DHX35: variants seen among roughly 807,000 people sequenced by gnomAD.
DHX35 encodes DEAH-box helicase 35.
In DHX35, 84 loss-of-function variants were observed where a neutral mutation model predicts 99.6. The observed-to-expected ratio is 0.84, with a 90% CI of 0.71 to 1.01. The LOEUF (loss-of-function observed/expected upper bound fraction) is 1.01, where lower values mean the gene tolerates loss of function less well. Among genes scored for constraint, DHX35 ranks in the 50% least tolerant of loss-of-function variants. The pLI is 0.00. For synonymous variants in DHX35, 331 were observed against 316.2 expected, an observed-to-expected ratio of 1.05 and a Z score of -0.50; for missense variants, 852 against 888.5, an observed-to-expected ratio of 0.96 and a Z score of 0.52.
chr20:38,983,118 G>A (rs1228127291), intron 3 of DHX35, among the ~76,000 whole-genome samples: 1 of 152,004 alleles, frequency 6.6e-6, no homozygotes, highest in Non-Finnish European at 1.5e-5. Flanking sequence ...GTAGAGACGG[G>A]GTTTCACCAT....
At chr20:38,964,093 ATATGGAAG>A (rs1194793874) in intron 1 of DHX35, among the ~76,000 whole-genome samples, 1 of 152,244 alleles carries the variant, frequency 6.6e-6, no homozygotes, top group Non-Finnish European at 1.5e-5. Flanking sequence ...TATTATAATT[ATATGGAAG>A]TATGGAAGAG....
intron 4 of DHX35, among the ~76,000 whole-genome samples, chr20:38,984,541 G>A (rs1040951620): frequency 2.6e-5 from 4 of 152,094 alleles, no homozygotes; most frequent in East Asian, 1.9e-4. Context: ...AATGTTCACC[G>A]CAAGATAATT....
chr20:38,968,719 T>C (rs1467343379), intron 1 of DHX35, among the ~76,000 whole-genome samples: 1 of 152,138 alleles, frequency 6.6e-6, no homozygotes, highest in East Asian at 1.9e-4. Flanking sequence ...GCCTGGCTAA[T>C]TTTTTGTATT....
intron 4 of DHX35, among the ~76,000 whole-genome samples, chr20:38,988,451 G>A (rs541486192): frequency 6.6e-6 from 1 of 152,176 alleles, no homozygotes; most frequent in South Asian, 2.1e-4. Flanking sequence ...CCAACATGGC[G>A]AAACCCCATC....
In DHX35 at chr20:38,983,796, G is replaced by A; in HGVS notation, c.345+20G>A. On this transcript the variant is annotated intron_variant, in intron 4 of 21. Transcript: ENST00000252011. ...GTTACAGTGAGTTTCTTTTTGTGTTGGAAAGATTCTATCTGTGTTGTCTAC... is the reference window on the plus strand; with the variant it reads ...GTTACAGTGAGTTTCTTTTTGTGTTAGAAAGATTCTATCTGTGTTGTCTAC... The A allele has an allele frequency of 6.2e-7, 1 of 1,602,188 alleles. No homozygotes were observed.
intron 14 of DHX35, among the ~76,000 whole-genome samples, 178 bp downstream of exon 14, chr20:39,015,112 A>G (rs2086763346): frequency 6.6e-6 from 1 of 152,244 alleles, no homozygotes; most frequent in Non-Finnish European, 1.5e-5. Context: ...AATTAGACAC[A>G]TGAAAGCTAA....
intron 3 of DHX35, among the ~76,000 whole-genome samples, chr20:38,976,336 C>G (rs1222852975): frequency 2.7e-5 from 4 of 146,064 alleles, no homozygotes; most frequent in Non-Finnish European, 4.5e-5. Context: ...AGAGAAGTGT[C>G]TGTGTGTGTG....
At position 39,006,330 on chromosome 20, in the gene DHX35, C is replaced by A; in HGVS notation, c.1196C>A (p.Ser399Ter). The change falls in exon 12 of 22, where the codon TCG becomes TAG. Residue 399 changes from serine to a stop codon, truncating the protein, a stop_gained. Transcript: ENST00000252011. LOFTEE classifies it high-confidence loss of function. ...GCAGGACGTGGTGGTCGTAGTCGCT[C>A]GGGAAAATGTTATCGCCTTTATACA... ...QRAGRGGRSR[S>*]GKCYRLYTEE... 6.2e-7 allele frequency: 1 copy of A among 1,614,064 alleles called. No individual in the cohort carries two copies. Among genetic ancestry groups the A allele is most frequent in the South Asian group, 1.1e-5 (1 of 91,060 alleles).
At chr20:39,026,881 G>A (rs1406143624) in intron 18 of DHX35, among the ~76,000 whole-genome samples, 2 of 152,176 alleles carry the variant, frequency 1.3e-5, no homozygotes, top group African/African-American at 4.8e-5. Flanking sequence ...CTGTCACCCA[G>A]CAGGTAGATG....
chr20:39,025,343 C>G lies in DHX35; in HGVS notation c.1785C>G (p.Pro595=). 1.2e-6 allele frequency: 2 copies of G among 1,613,636 alleles called. No homozygotes were observed. Among genetic ancestry groups the G allele is most frequent in the Middle Eastern group, 1.7e-4 (1 of 6,056 alleles). Residue 595 remains proline (P), a synonymous_variant, in exon 18 of 22, where the codon CCC becomes CCG. Coordinates refer to ENST00000252011, the MANE Select transcript of DHX35 (RefSeq NM_021931.4). ...LKKLLVKFQV[P]RKSSEGDPDL... is the part of the protein sequence containing the mutation. ...AGCTTCTTGTCAAGTTTCAAGTGCC[C>G]AGGAAGTCTAGTGAAGGTGAGAAGA...
Position 39,025,360 on chromosome 20 carries a change from G to T in DHX35, c.1801+1G>T. The T allele has an allele frequency of 6.2e-7, 1 of 1,612,946 alleles. No individual in the cohort carries two copies. The highest frequency in any genetic ancestry group is 1.3e-5 in the African/African-American group (1 of 75,002). Reference sequence around the variant, plus strand: ...CAAGTGCCCAGGAAGTCTAGTGAAGGTGAGAAGAAACCGTCCCAGCTGGTG... The same window carrying T: ...CAAGTGCCCAGGAAGTCTAGTGAAGTTGAGAAGAAACCGTCCCAGCTGGTG... On this transcript the variant is annotated splice_donor_variant, in intron 18 of 21. Coordinates refer to ENST00000252011, the MANE Select transcript of DHX35 (RefSeq NM_021931.4). LOFTEE classifies it high-confidence loss of function.
intron 13 of DHX35, among the ~76,000 whole-genome samples, 191 bp from the exon 14 acceptor site, chr20:39,014,689 C>A (rs2086754597): frequency 6.6e-6 from 1 of 152,014 alleles, no homozygotes; most frequent in Admixed American, 6.6e-5. Flanking sequence ...CCTTAAAGGC[C>A]AAGCAGTACA....
At chr20:38,968,357 T>C (rs375918272) in intron 1 of DHX35, among the ~76,000 whole-genome samples, 3 of 152,204 alleles carry the variant, frequency 2.0e-5, no homozygotes, top group African/African-American at 7.2e-5. Context: ...CTGTCATCTC[T>C]GAGCCTTATT....
intron 11 of DHX35, among the ~76,000 whole-genome samples, chr20:39,004,643 G>T (rs1221678815): frequency 6.6e-6 from 1 of 152,200 alleles, no homozygotes; most frequent in Non-Finnish European, 1.5e-5. Flanking sequence ...AAAATGTTTA[G>T]CCTTGAAGTG....
At chr20:38,983,619 C>A in intron 3 of DHX35, 80 bp from the exon 4 acceptor site, 2 of 1,161,664 alleles carry the variant, frequency 1.7e-6, no homozygotes, top group Non-Finnish European at 2.5e-6. Flanking sequence ...GTGATTTTAA[C>A]ACAATACGGG....
chr20:39,013,253 A>C (rs972201375), intron 13 of DHX35, among the ~76,000 whole-genome samples: 1 of 152,218 alleles, frequency 6.6e-6, no homozygotes. Flanking sequence ...TGTTATTTAC[A>C]ATGGTGAAAA....
chr20:39,028,473 G>T lies in DHX35; in HGVS notation c.1857G>T (p.Ala619=), dbSNP rs147737598. 1.9e-6 allele frequency: 3 copies of T among 1,614,108 alleles called. No individual in the cohort carries two copies. The highest frequency in any genetic ancestry group is 2.5e-6 in the Non-Finnish European group (3 of 1,180,062). ...TCTCCGGCTTCTTCGCCAATGCAGC[G>T]AGGTTTCATTCTACTGGAGCTTATA... ...CIVSGFFANA[A]RFHSTGAYRT... The change falls in exon 19 of 22, where the codon GCG becomes GCT. Residue 619 remains alanine, a synonymous_variant. Transcript: ENST00000252011.
At chr20:39,008,438 T>C (rs773483557) in intron 12 of DHX35, among the ~76,000 whole-genome samples, 1 of 152,246 alleles carries the variant, frequency 6.6e-6, no homozygotes, top group African/African-American at 2.4e-5. Flanking sequence ...CTCAAGTTAC[T>C]TTTAAAGAGG....
intron 21 of DHX35, among the ~76,000 whole-genome samples, chr20:39,035,314 C>T (rs568497154): frequency 2.5e-4 from 38 of 152,240 alleles, no homozygotes; most frequent in African/African-American, 8.4e-4. Context: ...TCTGGTGATC[C>T]GCCCGCCTTG....
Sources: gnomAD v4.1 joint callset for allele counts (sites outside exome capture counted in the v4.1 genomes callset) on GRCh38, gnomAD v4.1.1 for gene constraint, MANE v1.5 for transcripts, NCBI Gene and HGNC (gene_info 2026-07-23, HGNC 2026-07-21) for gene names.